Variants in CMIP observed in about 807,000 individuals in gnomAD.
The protein encoded by CMIP is c-Maf inducing protein.
In CMIP, 13 loss-of-function variants were observed where a neutral mutation model predicts 97.3. That is an observed-to-expected ratio of 0.13 (90% confidence interval 0.09 to 0.21). CMIP has a LOEUF of 0.21. CMIP is among the 10% of genes least tolerant of loss of function. CMIP has a pLI of 1.00. For synonymous variants in CMIP, 538 were observed against 436.3 expected (o/e 1.23, Z -2.91); for missense variants, 847 against 1,024.9 (o/e 0.83, Z 2.37).
At chr16:81,471,237 C>A (rs376852983) in intron 1 of CMIP, among the ~76,000 whole-genome samples, 1 of 152,280 alleles carries the variant, frequency 6.6e-6, no homozygotes, top group South Asian at 2.1e-4. Context: ...TACATGCACA[C>A]ATAGAAATAC....
At chr16:81,702,746 G>A (rs1907562155) in intron 17 of CMIP, 77 bp downstream of exon 17, 4 of 1,327,804 alleles carry the variant, frequency 3.0e-6, no homozygotes, top group Non-Finnish European at 4.3e-6. Flanking sequence ...GGCAGGTGGT[G>A]TCTGCTGCTG....
At position 81,614,553 on chromosome 16, in the gene CMIP, G is replaced by A. The variant is rs1427562780; in HGVS notation, c.427-6323G>A. Among the ~76,000 whole-genome samples the A allele has an allele frequency of 1.3e-5, 2 of 152,174 alleles. No individual in the cohort carries two copies. The highest frequency in any genetic ancestry group is 2.9e-5 in the Non-Finnish European group (2 of 68,028). Reference sequence around the variant, plus strand: ...ATGCATTGGTTTCCCCAGTGGAAATGTGGCAGTGGAGGAAAGGTTGGGTTA... The same window carrying A: ...ATGCATTGGTTTCCCCAGTGGAAATATGGCAGTGGAGGAAAGGTTGGGTTA... On this transcript the variant is annotated intron_variant, in intron 2 of 20. Coordinates refer to ENST00000537098, the MANE Select transcript of CMIP (RefSeq NM_198390.3). The surrounding 1 kb of genome is among the most constrained non-coding windows in gnomAD (Gnocchi z 5.3).
Position 81,638,207 on chromosome 16 carries a change from C to T in CMIP, c.478-13996C>T, listed in dbSNP as rs999717589. Among the ~76,000 whole-genome samples, 3 of 152,276 alleles carry T rather than the reference C, an allele frequency of 2.0e-5. No homozygotes were observed. The East Asian group carries it at 5.8e-4, about 29-fold the overall frequency. ...GGATACTCGTCACTGGATTCAGGAC[C>T]CACCAGATAATCCAGCGTGATCTCC... On this transcript the variant is annotated intron_variant, in intron 3 of 20. Coordinates refer to ENST00000537098, the MANE Select transcript of CMIP (RefSeq NM_198390.3).
At chr16:81,481,904 G>A (rs1310961296) in intron 1 of CMIP, among the ~76,000 whole-genome samples, 1 of 149,744 alleles carries the variant, frequency 6.7e-6, no homozygotes, top group African/African-American at 2.5e-5. Flanking sequence ...TTTGAGAGGG[G>A]GTCTCACTCT....
chr16:81,594,702 C>T (rs2091522883), intron 1 of CMIP, among the ~76,000 whole-genome samples: 1 of 151,928 alleles, frequency 6.6e-6, no homozygotes, highest in Non-Finnish European at 1.5e-5. Flanking sequence ...CAAGCTCTGC[C>T]TCCCGGGTTC....
At chr16:81,464,196 C>G (rs1399128601) in intron 1 of CMIP, 2 of 152,330 alleles carry the variant, frequency 1.3e-5, no homozygotes, top group Non-Finnish European at 2.9e-5. Flanking sequence ...GAAAAGGAGT[C>G]TCCCAGGGGA....
At chr16:81,632,963 T>A (rs555883237) in intron 3 of CMIP, among the ~76,000 whole-genome samples, 6 of 148,800 alleles carry the variant, frequency 4.0e-5, no homozygotes, top group Admixed American at 3.4e-4. Flanking sequence ...AGAAGTGGCG[T>A]TTGTGGGTTG....
Position 81,711,219 on chromosome 16 carries a change from A to C in CMIP, c.*1420A>C, listed in dbSNP as rs1158329170. The stretch of plus-strand genomic sequence containing the variant: ...CAGCCCTTTTTTCTGTTGGTTTAGC[A>C]CAAATACTTCCCTCCTCCGGCACCT... On this transcript the variant is annotated 3_prime_UTR_variant, in exon 21 of 21. Coordinates refer to ENST00000537098, the MANE Select transcript of CMIP (RefSeq NM_198390.3). 6.6e-6 allele frequency: 1 copy of C among 152,114 alleles called. No individual in the cohort carries two copies. Among genetic ancestry groups the C allele is most frequent in the Non-Finnish European group, 1.5e-5 (1 of 68,022 alleles). 9.4% of individuals were successfully genotyped at this position (152,114 alleles called of 1,614,324 possible). A position where few individuals can be genotyped will look rare whatever the true frequency, so the allele number is the denominator to read the frequency against.
intron 17 of CMIP, 50 bp downstream of exon 17, chr16:81,702,719 C>T (rs4888167): frequency 0.29 from 446,352 of 1,561,124 alleles, 65,688 homozygotes; most frequent in Middle Eastern, 0.32. Flanking sequence ...GTGGGTTGGT[C>T]CTCTCTGTTG....
At chr16:81,638,724 GGT>G (rs753359624) in intron 3 of CMIP, among the ~76,000 whole-genome samples, 2 of 151,982 alleles carry the variant, frequency 1.3e-5, no homozygotes, top group Non-Finnish European at 2.9e-5. Flanking sequence ...TGCTGAACTG[GGT>G]GTTCCTGCCC....
intron 1 of CMIP, chr16:81,517,936 A>G: frequency 1.0e-6 from 1 of 984,196 alleles, no homozygotes; most frequent in Non-Finnish European, 1.2e-6. Flanking sequence ...AGATTCAAGG[A>G]TTTTCTAGGA....
At chr16:81,703,253 G>T (rs946917391) in intron 17 of CMIP, among the ~76,000 whole-genome samples, 1 of 152,174 alleles carries the variant, frequency 6.6e-6, no homozygotes, top group East Asian at 1.9e-4. Flanking sequence ...CAGATTTAGT[G>T]TGTGGGGCCA....
chr16:81,500,789 C>A (rs567249379), intron 1 of CMIP, among the ~76,000 whole-genome samples: 1 of 151,952 alleles, frequency 6.6e-6, no homozygotes, highest in African/African-American at 2.4e-5. Flanking sequence ...GTGCCCTCCC[C>A]GGCCCACTGT....
At chr16:81,476,106 C>A in intron 1 of CMIP, 1 of 832,810 alleles carries the variant, frequency 1.2e-6, no homozygotes, top group South Asian at 1.3e-5. Context: ...ATGGCCTCCA[C>A]AGTCTTCACG....
At chr16:81,502,668 AAATGTCAAGTGTTACCGTT>A (rs1181837064) in intron 1 of CMIP, among the ~76,000 whole-genome samples, 5 of 152,312 alleles carry the variant, frequency 3.3e-5, no homozygotes, top group Admixed American at 6.5e-5. Context: ...CCCTTGTGAG[AAATGTCAAGTGTTACCGTT>A]ATCATCATAT....
chr16:81,678,121 C>A (rs1904457464), intron 9 of CMIP, among the ~76,000 whole-genome samples, 154 bp from the exon 10 acceptor site: 1 of 152,216 alleles, frequency 6.6e-6, no homozygotes, highest in Non-Finnish European at 1.5e-5. Flanking sequence ...TGCACCCAGG[C>A]TGAGCCTCAG....
chr16:81,499,894 C>T (rs1254507243), intron 1 of CMIP, among the ~76,000 whole-genome samples: 2 of 152,262 alleles, frequency 1.3e-5, no homozygotes, highest in Non-Finnish European at 2.9e-5. Context: ...TATTTTGGCC[C>T]TATGGGAGGC....
chr16:81,596,949 A>T (rs2091567394), intron 1 of CMIP, among the ~76,000 whole-genome samples: 1 of 152,222 alleles, frequency 6.6e-6, no homozygotes. Flanking sequence ...CTCCATGCTC[A>T]GTTTGTGTAG....
chr16:81,500,803 C>G (rs73590524), intron 1 of CMIP, among the ~76,000 whole-genome samples: 2,013 of 152,108 alleles, frequency 0.013, 37 homozygotes, highest in African/African-American at 0.046. Flanking sequence ...CCACTGTTTC[C>G]TTTCCCTCCC....
Sources: gnomAD v4.1 joint callset for allele counts (sites outside exome capture counted in the v4.1 genomes callset) on GRCh38, gnomAD v4.1.1 for gene constraint, Gnocchi (gnomAD v3.1) non-coding constraint, MANE v1.5 for transcripts, NCBI Gene and HGNC (gene_info 2026-07-23, HGNC 2026-07-21) for gene names.